The following ZBTB40 variants were observed in gnomAD, a reference collection of about 807,000 sequenced individuals.
The protein encoded by ZBTB40 is zinc finger and BTB domain containing 40.
ZBTB40 carries 60 observed loss-of-function variants against 117.5 expected under a neutral mutation model. The ratio of observed to expected loss-of-function variants is 0.51; its 90% confidence interval spans 0.41 to 0.63. The LOEUF is 0.63. ZBTB40 is among the 30% of genes least tolerant of loss of function. ZBTB40 has a pLI of 0.00. For synonymous variants in ZBTB40, 525 were observed against 577.1 expected (o/e 0.91, Z 1.29); for missense variants, 1,287 against 1,498.5 (o/e 0.86, Z 2.33).
At chr1:22,499,376 T>A (rs1421825010) in intron 3 of ZBTB40, among the ~76,000 whole-genome samples, 1 of 152,234 alleles carries the variant, frequency 6.6e-6, no homozygotes, top group Non-Finnish European at 1.5e-5. Context: ...TAGAAGCAAG[T>A]CACGAGGTTC....
upstream of ZBTB40, among the ~76,000 whole-genome samples, chr1:22,451,604 C>T (rs1365316289): frequency 6.6e-6 from 1 of 151,248 alleles, no homozygotes; most frequent in Non-Finnish European, 1.5e-5. Context: ...GAGATCGCGC[C>T]GCTACACTCC....
In ZBTB40 at chr1:22,483,294, A is replaced by G. The variant is rs112870921; in HGVS notation, c.-69-6586A>G. On this transcript the variant is annotated intron_variant, in intron 1 of 17. Transcript: ENST00000375647. ...GCTTTTGTGTGGCCATAAGTCTTCA[A>G]CCCCTTTGGTTAATTACCAAGGAAT... Among the ~76,000 whole-genome samples the G allele has an allele frequency of 4.5e-3, 692 of 152,196 alleles. 7 individuals are homozygous for G. Among genetic ancestry groups the G allele is most frequent in the African/African-American group, 0.016 (651 of 41,518 alleles).
rs530864120 is a variant in ZBTB40, at chr1:22,516,906, C to T, written c.2669-394C>T. ...TCCTCTCTGAATCCACGACTCTCAC[C>T]TTTGTGCACAGTTGCAGATCCACAC... On this transcript the variant is annotated intron_variant, in intron 12 of 17. Transcript: ENST00000375647. Among the ~76,000 whole-genome samples the T allele has an allele frequency of 1.5e-4, 23 of 151,978 alleles. No homozygotes were observed. The South Asian group carries it at 4.6e-3, about 30-fold the overall frequency.
At chr1:22,442,596 C>G (rs954881563) in intron 1 of ZBTB40, among the ~76,000 whole-genome samples, 5 of 152,122 alleles carry the variant, frequency 3.3e-5, no homozygotes, top group Non-Finnish European at 1.5e-5. Context: ...TTAGGTTTAT[C>G]CATGTTTCTT....
intron 1 of ZBTB40, among the ~76,000 whole-genome samples, chr1:22,458,067 A>G (rs1008564039): frequency 1.3e-5 from 2 of 152,300 alleles, no homozygotes. Context: ...TTCAGCACAT[A>G]TTTAGTTAGG....
chr1:22,503,771 T>A (rs1276951187), intron 5 of ZBTB40, among the ~76,000 whole-genome samples: 1 of 152,270 alleles, frequency 6.6e-6, no homozygotes, highest in African/African-American at 2.4e-5. Context: ...TCAAATTAAG[T>A]GTAATTTCAG....
chr1:22,449,777 G>A (rs368553339), upstream of ZBTB40, among the ~76,000 whole-genome samples: 3 of 152,168 alleles, frequency 2.0e-5, no homozygotes, highest in African/African-American at 4.8e-5. Flanking sequence ...TGCTCTCTTC[G>A]TTTAGTCCCT....
intron 1 of ZBTB40, among the ~76,000 whole-genome samples, chr1:22,463,432 G>A (rs560239177): frequency 2.0e-5 from 3 of 152,332 alleles, no homozygotes; most frequent in Admixed American, 2.0e-4. Flanking sequence ...TATCGTCCGT[G>A]TTTTCAGGGC....
chr1:22,471,406 G>A (rs567100108), intron 1 of ZBTB40, among the ~76,000 whole-genome samples: 80 of 152,362 alleles, frequency 5.3e-4, no homozygotes, highest in African/African-American at 1.8e-3. Flanking sequence ...TTAAGAACAC[G>A]GAGCCAGGCA....
chr1:22,461,328 T>C (rs901238123), intron 1 of ZBTB40, among the ~76,000 whole-genome samples: 1 of 33,408 alleles, frequency 3.0e-5, no homozygotes, highest in Non-Finnish European at 6.6e-5. Flanking sequence ...AGAGTTCCGT[T>C]GTTTTTTTTT....
intron 1 of ZBTB40, among the ~76,000 whole-genome samples, chr1:22,446,396 G>A (rs1036728897): frequency 1.3e-5 from 2 of 151,848 alleles, no homozygotes; most frequent in Non-Finnish European, 2.9e-5. Flanking sequence ...GTCAGACATC[G>A]AACCACAGAT....
rs1220539343 is a variant in ZBTB40, at chr1:22,527,477, A to G, written c.*1081A>G. 1 of 152,382 alleles carries G rather than the reference A, an allele frequency of 6.6e-6. No homozygotes were observed. The highest frequency in any genetic ancestry group is 1.5e-5 in the Non-Finnish European group (1 of 68,040). 9.4% of individuals were successfully genotyped at this position (152,382 alleles called of 1,614,324 possible). On this transcript the variant is annotated 3_prime_UTR_variant, in exon 18 of 18. Coordinates refer to ENST00000375647, the MANE Select transcript of ZBTB40 (RefSeq NM_014870.4). Reference sequence around the variant, plus strand: ...TCTTCAGTTCCTAAAATATAATCTGATAATTAATGGTTTGTGGAATCCATT... The same window carrying G: ...TCTTCAGTTCCTAAAATATAATCTGGTAATTAATGGTTTGTGGAATCCATT...
chr1:22,474,804 A>G (rs1258070796), intron 1 of ZBTB40, among the ~76,000 whole-genome samples: 1 of 152,180 alleles, frequency 6.6e-6, no homozygotes, highest in Non-Finnish European at 1.5e-5. Flanking sequence ...TGATAGATAA[A>G]GTAATGAACT....
At chr1:22,510,137 C>T (rs983676652) in intron 9 of ZBTB40, among the ~76,000 whole-genome samples, 4 of 152,162 alleles carry the variant, frequency 2.6e-5, no homozygotes, top group African/African-American at 9.7e-5. Flanking sequence ...GGGTGTCCAG[C>T]CCAGGATCAT....
chr1:22,469,781 C>T (rs1432034820), intron 1 of ZBTB40, among the ~76,000 whole-genome samples: 1 of 152,064 alleles, frequency 6.6e-6, no homozygotes, highest in Non-Finnish European at 1.5e-5. Context: ...TAAATGACCG[C>T]CTGCCTTGGC....
chr1:22,442,168 G>A (rs950370062), intron 1 of ZBTB40, among the ~76,000 whole-genome samples: 1 of 152,156 alleles, frequency 6.6e-6, no homozygotes, highest in African/African-American at 2.4e-5. Context: ...AGTCTATTGA[G>A]ACTTACTTTT....
At chr1:22,510,259 TCTAA>T (rs1163520762) in intron 9 of ZBTB40, among the ~76,000 whole-genome samples, 1 of 152,204 alleles carries the variant, frequency 6.6e-6, no homozygotes, top group African/African-American at 2.4e-5. Context: ...AGGGCGGGTT[TCTAA>T]CTCTCTCTGT....
chr1:22,522,066 T>A (rs1279167393), intron 15 of ZBTB40, among the ~76,000 whole-genome samples: 1 of 152,188 alleles, frequency 6.6e-6, no homozygotes, highest in Non-Finnish European at 1.5e-5. Context: ...GCAGGTAAAT[T>A]TGGTGATAAT....
rs781424234 is a variant in ZBTB40, at chr1:22,509,069, C to A, written c.1700-31C>A. 3.1e-6 allele frequency: 5 copies of A among 1,614,022 alleles called. No homozygotes were observed. In the South Asian group the frequency reaches 5.5e-5, roughly 18 times the overall value. ...GGAAAAAATGGTGCTCATTGTTTGC[C>A]TAATGAGTTTTTGATCCCCCTTTTT... On this transcript the variant is annotated intron_variant, in intron 8 of 17. Coordinates refer to ENST00000375647, the MANE Select transcript of ZBTB40 (RefSeq NM_014870.4).
Sources: allele counts gnomAD v4.1 joint callset (sites outside exome capture counted in the v4.1 genomes callset), GRCh38; gene constraint gnomAD v4.1.1; transcripts MANE v1.5; gene names NCBI Gene and HGNC (gene_info 2026-07-23, HGNC 2026-07-21).